TAF3: variants seen among roughly 807,000 people sequenced by gnomAD.
TAF3 encodes the protein TATA-box binding protein associated factor 3.
Under a neutral mutation model 80.6 loss-of-function variants are expected in TAF3, and 7 were observed. The ratio of observed to expected loss-of-function variants is 0.09; its 90% CI spans 0.05 to 0.16. The LOEUF is 0.16. Ranked by LOEUF, TAF3 falls within the 10% of genes least tolerant of loss-of-function variation. TAF3 has a pLI of 1.00. For synonymous variants in TAF3, 444 were observed against 446.1 expected, an observed-to-expected ratio of 1.00 and a Z score of 0.06; for missense variants, 921 against 1,140.2, an observed-to-expected ratio of 0.81 and a Z score of 2.77.
chr10:7,818,805 C>T lies in TAF3; in HGVS notation c.96C>T (p.His32=), dbSNP rs776780956. 8.9e-6 allele frequency: 14 copies of T among 1,572,826 alleles called. No homozygotes were observed. The highest frequency in any genetic ancestry group is 3.8e-5 in the Admixed American group (2 of 52,212). The part of the protein sequence containing the change: ...GWDSVQLSAC[H]LLTDVLQRYL... Reference sequence around the variant, plus strand: ...ACTCGGTGCAGCTCAGCGCCTGCCACCTCCTCACGGACGTGCTGCAGCGCT... The same window carrying T: ...ACTCGGTGCAGCTCAGCGCCTGCCATCTCCTCACGGACGTGCTGCAGCGCT... The change falls in exon 1 of 7, where the codon CAC becomes CAT. Residue 32 remains histidine (H), a synonymous_variant. Transcript: ENST00000344293.
chr10:7,861,243 G>A (rs548421438), intron 2 of TAF3, among the ~76,000 whole-genome samples: 3 of 151,996 alleles, frequency 2.0e-5, no homozygotes, highest in African/African-American at 4.8e-5. Flanking sequence ...GATTACAGGC[G>A]TGAGCCACCG....
At chr10:7,986,576 C>G (rs965702596) in intron 4 of TAF3, among the ~76,000 whole-genome samples, 1 of 152,148 alleles carries the variant, frequency 6.6e-6, no homozygotes, top group Non-Finnish European at 1.5e-5. Flanking sequence ...GTTTCCCAAG[C>G]TGAACAAAAC....
At chr10:7,962,368 A>G (rs77850488) in intron 2 of TAF3, among the ~76,000 whole-genome samples, 1,931 of 152,006 alleles carry the variant, frequency 0.013, 11 homozygotes, top group Non-Finnish European at 0.021. Context: ...ACCCTCATCC[A>G]TCCTGCGTGT....
chr10:7,924,724 T>C lies in TAF3; in HGVS notation c.410-39196T>C, dbSNP rs925158931. Among the ~76,000 whole-genome samples the C allele has an allele frequency of 3.3e-5, 5 of 151,770 alleles. No individual in the cohort carries two copies. In the East Asian group the frequency reaches 9.6e-4, roughly 29 times the overall value. On this transcript the variant is annotated intron_variant, in intron 2 of 6. Transcript: ENST00000344293. Reference sequence around the variant, plus strand: ...TTGAAAAAGAAAAACGCTCATAATCTCACCACCCCAACAGAACACTATCTG... The same window carrying C: ...TTGAAAAAGAAAAACGCTCATAATCCCACCACCCCAACAGAACACTATCTG...
rs777687548 is a variant in TAF3 at position 7,964,199 on chromosome 10, C to A, written c.689C>A (p.Pro230Gln). Residue 230 changes from proline (P) to glutamine (Q), a missense_variant, in exon 3 of 7, where the codon CCA (proline) becomes CAA (glutamine). Physicochemically the swap from Pro to Gln is moderately conservative, Grantham distance 76. Around this residue, in one of 6 missense-constraint regions of TAF3, gnomAD observed 743 missense variants for 821.0 expected, o/e 0.90. Coordinates refer to ENST00000344293, the MANE Select transcript of TAF3 (RefSeq NM_031923.4). This position sits in a 1 kb window ranked among gnomAD's most constrained non-coding sequence, Gnocchi z 4.1. ...CAAAAGATCCCACCAATGCTTTCTC[C>A]AGTCCATGTACAGGACAGTACAGAC... ...NTQKIPPMLSPVHVQDSTDLA... is the reference protein window; with the variant it reads ...NTQKIPPMLSQVHVQDSTDLA... 1 of 1,614,200 alleles carries A rather than the reference C, an allele frequency of 6.2e-7. No individual in the cohort carries two copies. The highest frequency in any genetic ancestry group is 1.7e-5 in the Admixed American group (1 of 60,026).
intron 2 of TAF3, among the ~76,000 whole-genome samples, chr10:7,839,608 A>G (rs1836889880): frequency 6.6e-6 from 1 of 152,206 alleles, no homozygotes; most frequent in Admixed American, 6.5e-5. Flanking sequence ...ATTATTCTCA[A>G]GGGCACAGAT....
At chr10:7,820,387 A>G (rs1368865490) in intron 1 of TAF3, among the ~76,000 whole-genome samples, 1 of 152,252 alleles carries the variant, frequency 6.6e-6, no homozygotes, top group Non-Finnish European at 1.5e-5. Flanking sequence ...ATATTTGTTG[A>G]ATAAATGAAT....
At chr10:7,988,095 A>G (rs552169769) in intron 4 of TAF3, among the ~76,000 whole-genome samples, 1 of 152,346 alleles carries the variant, frequency 6.6e-6, no homozygotes, top group South Asian at 2.1e-4. Flanking sequence ...TTTGTAAGTA[A>G]TGTTTATAAG....
intron 2 of TAF3, among the ~76,000 whole-genome samples, chr10:7,941,435 G>A (rs1307777998): frequency 6.6e-6 from 1 of 152,240 alleles, no homozygotes; most frequent in African/African-American, 2.4e-5. Context: ...GGATGCTACA[G>A]GGGACCATGG....
chr10:7,842,909 C>G (rs1332290852), intron 2 of TAF3, among the ~76,000 whole-genome samples: 2 of 152,192 alleles, frequency 1.3e-5, no homozygotes, highest in Admixed American at 1.3e-4. Flanking sequence ...GGTTGTCATA[C>G]TTTGTTTTCT....
At chr10:7,965,806 A>G (rs902783614) in intron 3 of TAF3, 64 bp downstream of exon 3, 1 of 1,424,932 alleles carries the variant, frequency 7.0e-7, no homozygotes, top group Admixed American at 2.7e-5. Flanking sequence ...CAGGTAAACA[A>G]AGCCCACAAT....
chr10:7,897,509 T>C (rs1837515807), intron 2 of TAF3, among the ~76,000 whole-genome samples: 1 of 152,206 alleles, frequency 6.6e-6, no homozygotes, highest in South Asian at 2.1e-4. Context: ...GTGATTTGCC[T>C]TCATGCGTGT....
At chr10:7,994,340 T>C (rs1477574046) in intron 4 of TAF3, among the ~76,000 whole-genome samples, 3 of 152,010 alleles carry the variant, frequency 2.0e-5, no homozygotes, top group Admixed American at 2.0e-4. Context: ...TGATGAATGG[T>C]GTTTAGGAAT....
At chr10:7,829,145 T>C (rs963976204) in intron 2 of TAF3, among the ~76,000 whole-genome samples, 14 of 152,134 alleles carry the variant, frequency 9.2e-5, no homozygotes, top group African/African-American at 9.7e-5. Context: ...GTTGCCACTT[T>C]TAGAGTTTCT....
At chr10:7,981,584 T>G (rs1831725767) in intron 4 of TAF3, among the ~76,000 whole-genome samples, 1 of 152,204 alleles carries the variant, frequency 6.6e-6, no homozygotes, top group Non-Finnish European at 1.5e-5. Context: ...ATATAACTCC[T>G]TTTTCAAAAT....
chr10:7,983,397 T>C (rs1831745235), intron 4 of TAF3, among the ~76,000 whole-genome samples: 1 of 152,204 alleles, frequency 6.6e-6, no homozygotes, highest in Non-Finnish European at 1.5e-5. Context: ...TGCATTTTTA[T>C]AAAAGTGTCC....
intron 2 of TAF3, among the ~76,000 whole-genome samples, chr10:7,874,474 C>G (rs1320618776): frequency 2.0e-5 from 3 of 151,998 alleles, no homozygotes; most frequent in Non-Finnish European, 4.4e-5. Context: ...AAAAAAAGAC[C>G]TTTTATACTT....
At chr10:7,833,208 T>C (rs955793315) in intron 2 of TAF3, among the ~76,000 whole-genome samples, 1 of 152,226 alleles carries the variant, frequency 6.6e-6, no homozygotes, top group Admixed American at 6.5e-5. Flanking sequence ...TTCAAATCTT[T>C]TGGGTAAATA....
chr10:7,862,931 A>G (rs564752855), intron 2 of TAF3, among the ~76,000 whole-genome samples: 15 of 152,290 alleles, frequency 9.8e-5, no homozygotes, highest in Admixed American at 7.2e-4. Flanking sequence ...TTCTTTACCC[A>G]TTCAGCTGTT....
Sources: allele counts gnomAD v4.1 joint callset (sites outside exome capture counted in the v4.1 genomes callset), GRCh38; gene constraint gnomAD v4.1.1; regional missense constraint gnomAD v4.1.1; non-coding constraint Gnocchi (gnomAD v3.1); transcripts MANE v1.5; gene names NCBI Gene and HGNC (gene_info 2026-07-23, HGNC 2026-07-21).